Variants in SLC18A2 observed in about 807,000 individuals in gnomAD.
SLC18A2 encodes the protein solute carrier family 18 member A2.
Under a neutral mutation model 59.2 loss-of-function variants are expected in SLC18A2, and 33 were observed. That is an observed-to-expected ratio of 0.56 (90% CI 0.42 to 0.75). The LOEUF is 0.75. Ranked by LOEUF, SLC18A2 falls within the 30% of genes least tolerant of loss-of-function variation. SLC18A2 has a pLI of 0.00. For synonymous variants in SLC18A2, 228 were observed against 253.5 expected (o/e 0.90, Z 0.95); for missense variants, 569 against 668.6 (o/e 0.85, Z 1.64).
chr10:117,273,325 C>T (rs977089707), intron 15 of SLC18A2, among the ~76,000 whole-genome samples: 1 of 152,186 alleles, frequency 6.6e-6, no homozygotes, highest in East Asian at 1.9e-4. Flanking sequence ...GACAGTTACA[C>T]GGTAGCGCTT....
intron 3 of SLC18A2, among the ~76,000 whole-genome samples, chr10:117,249,125 G>A (rs1000062291): frequency 6.6e-6 from 1 of 152,166 alleles, no homozygotes; most frequent in African/African-American, 2.4e-5. Flanking sequence ...AACAAGCAGT[G>A]ACCTTTTCAG....
At chr10:117,262,062 T>G (rs1358622607) in intron 10 of SLC18A2, among the ~76,000 whole-genome samples, 1 of 152,080 alleles carries the variant, frequency 6.6e-6, no homozygotes, top group African/African-American at 2.4e-5. Flanking sequence ...TGCCTACCAC[T>G]GTACCCGGCT....
rs2133724788 is a variant in SLC18A2, at chr10:117,242,766, T to C, written c.121+952T>C. On this transcript the variant is annotated intron_variant, in intron 2 of 15. Coordinates refer to ENST00000644641, the MANE Select transcript of SLC18A2 (RefSeq NM_003054.6). ...TTGTTTTTTTGAAATGGAGTCTCAC[T>C]CTGTTGCCCAGGCTGGAGGGCAGTG... is the stretch of plus-strand genomic sequence containing the variant. Among the ~76,000 whole-genome samples, 4 of 152,334 alleles carry C rather than the reference T, an allele frequency of 2.6e-5. No individual in the cohort carries two copies. The Middle Eastern group carries it at 0.01, about 389-fold the overall frequency.
chr10:117,245,692 C>T (rs1335952891), intron 3 of SLC18A2, among the ~76,000 whole-genome samples: 1 of 151,920 alleles, frequency 6.6e-6, no homozygotes, highest in African/African-American at 2.4e-5. Flanking sequence ...GAGAGCAGAG[C>T]CCTGTGCGAC....
intron 4 of SLC18A2, among the ~76,000 whole-genome samples, chr10:117,253,778 G>A (rs562230127): frequency 1.6e-4 from 24 of 152,294 alleles, no homozygotes; most frequent in Non-Finnish European, 2.1e-4. Context: ...CCTGGAAGAC[G>A]GAGGTTGCAG....
chr10:117,241,960 A>C, intron 2 of SLC18A2, 146 bp downstream of exon 2: 1 of 791,566 alleles, frequency 1.3e-6, no homozygotes, highest in South Asian at 2.0e-5. Context: ...CATCCCCTCC[A>C]GGCTGCCGCG....
At position 117,252,731 on chromosome 10, in the gene SLC18A2, C is replaced by T. The variant is rs363409; in HGVS notation, c.465-668C>T. ...CCTGGGAGGTGGGCGGTGGTCTCTC[C>T]GAGGGACTGAGAGGAGACCTCCCTA... On this transcript the variant is annotated intron_variant, in intron 3 of 15. Transcript: ENST00000644641. Among the ~76,000 whole-genome samples the T allele has an allele frequency of 2.3e-3, 356 of 152,174 alleles. 1 individual carries two copies. The highest frequency in any genetic ancestry group is 7.7e-3 in the African/African-American group (318 of 41,510).
At position 117,277,312 on chromosome 10, in the gene SLC18A2, G is replaced by C; in HGVS notation, c.*46G>C. On this transcript the variant is annotated 3_prime_UTR_variant, in exon 16 of 16. Transcript: ENST00000644641. ...TCAAAGTGTTTAATTGTATAAAACA[G>C]TGTTTCCAGTGACACAACTCATCCA... The C allele has an allele frequency of 5.1e-6, 6 of 1,185,322 alleles. No homozygotes were observed. The highest frequency in any genetic ancestry group is 7.4e-6 in the Non-Finnish European group (6 of 808,480). 73.4% of individuals were successfully genotyped at this position (1,185,322 alleles called of 1,614,324 possible).
rs1231120080 is a variant in SLC18A2 at position 117,241,170 on chromosome 10, G to T, written c.-66G>T. ...ACTGACGGAGCCCACTGCGGTGCGG[G>T]CGTTGGCGCGGGCACGGAGGACCCG... On this transcript the variant is annotated 5_prime_UTR_variant, in exon 1 of 16. Coordinates refer to ENST00000644641, the MANE Select transcript of SLC18A2 (RefSeq NM_003054.6). 1 of 152,546 alleles carries T rather than the reference G, an allele frequency of 6.6e-6. No homozygotes were observed. Among genetic ancestry groups the T allele is most frequent in the Non-Finnish European group, 1.5e-5 (1 of 68,420 alleles). 9.4% of individuals were successfully genotyped at this position (152,546 alleles called of 1,614,324 possible).
chr10:117,257,937 C>G (rs1844248979), intron 10 of SLC18A2, 45 bp downstream of exon 10: 1 of 1,409,202 alleles, frequency 7.1e-7, no homozygotes, highest in Admixed American at 1.9e-5. Context: ...CATTTGTCCC[C>G]AGGGCAGCCT....
intron 6 of SLC18A2, among the ~76,000 whole-genome samples, chr10:117,254,989 C>T (rs363418): frequency 6.6e-6 from 1 of 152,246 alleles, no homozygotes; most frequent in East Asian, 1.9e-4. Flanking sequence ...TCTGTTTACA[C>T]ATTTTCCTGT....
chr10:117,262,806 A>C (rs1190994332), intron 10 of SLC18A2, among the ~76,000 whole-genome samples: 1 of 152,046 alleles, frequency 6.6e-6, no homozygotes, highest in Non-Finnish European at 1.5e-5. Flanking sequence ...AAGTATTGGG[A>C]TTACAGGCGT....
At chr10:117,262,194 C>T (rs1026385268) in intron 10 of SLC18A2, among the ~76,000 whole-genome samples, 4 of 152,122 alleles carry the variant, frequency 2.6e-5, no homozygotes, top group Non-Finnish European at 5.9e-5. Context: ...CGTGAGCCAC[C>T]GCATCCTGCC....
At chr10:117,277,121 G>A (rs1844507826) in intron 15 of SLC18A2, 41 bp from the exon 16 acceptor site, 1 of 1,131,648 alleles carries the variant, frequency 8.8e-7, no homozygotes. Flanking sequence ...TTATCTTTAT[G>A]AAACAAGAAG....
intron 9 of SLC18A2, 119 bp from the exon 10 acceptor site, chr10:117,257,669 GCGATTTATC>G: frequency 2.1e-6 from 1 of 487,030 alleles, no homozygotes; most frequent in African/African-American, 1.9e-5. Context: ...CCCTTGATAT[GCGATTTATC>G]CTTTACTTAA....
intron 10 of SLC18A2, among the ~76,000 whole-genome samples, chr10:117,263,524 G>T (rs780879368): frequency 1.4e-4 from 22 of 152,260 alleles, no homozygotes; most frequent in Admixed American, 1.4e-3. Flanking sequence ...AGTAAAGATG[G>T]CAGCCTACCC....
Position 117,269,374 on chromosome 10 carries a change from A to G in SLC18A2, c.1187-697A>G, listed in dbSNP as rs575080977. Among the ~76,000 whole-genome samples, 15 of 152,282 alleles carry G rather than the reference A, an allele frequency of 9.9e-5. No homozygotes were observed. In the East Asian group the frequency reaches 2.7e-3, roughly 27 times the overall value. The stretch of plus-strand genomic sequence containing the variant: ...CATACACACATATACATAGACATAC[A>G]CAGATACATATATACATATACATAC... On this transcript the variant is annotated intron_variant, in intron 13 of 15. Coordinates refer to ENST00000644641, the MANE Select transcript of SLC18A2 (RefSeq NM_003054.6). This position sits in a 1 kb window ranked among gnomAD's most constrained non-coding sequence, Gnocchi z 5.1.
chr10:117,257,973 T>A, intron 10 of SLC18A2, 81 bp downstream of exon 10: 9 of 936,274 alleles, frequency 9.6e-6, no homozygotes, highest in Non-Finnish European at 1.3e-5. Flanking sequence ...CCCTGCTGAG[T>A]TGCCCTTATG....
chr10:117,259,731 C>A (rs1183292919), intron 10 of SLC18A2, among the ~76,000 whole-genome samples: 1 of 152,202 alleles, frequency 6.6e-6, no homozygotes. Context: ...CATTCCTGAG[C>A]CTCTGTAGGA....
Sources: allele counts gnomAD v4.1 joint callset (sites outside exome capture counted in the v4.1 genomes callset), GRCh38; gene constraint gnomAD v4.1.1; non-coding constraint Gnocchi (gnomAD v3.1); transcripts MANE v1.5; gene names NCBI Gene and HGNC (gene_info 2026-07-23, HGNC 2026-07-21).